RORB: variants seen among roughly 807,000 people sequenced by gnomAD.
RORB encodes nuclear receptor ROR-beta.
Under a neutral mutation model 59.1 loss-of-function variants are expected in RORB, and 6 were observed. The ratio of observed to expected loss-of-function variants is 0.10; its 90% CI spans 0.06 to 0.20. The LOEUF is 0.20. Ranked by LOEUF, RORB falls within the 10% of genes least tolerant of loss-of-function variation. The probability of loss-of-function intolerance (pLI) is 1.00; values close to 1 mark genes in which losing one functional copy is unlikely to be tolerated. For missense variants in RORB, 320 were observed against 560.5 expected, an observed-to-expected ratio of 0.57 and a Z score of 4.33; for synonymous variants, 215 against 204.5, an observed-to-expected ratio of 1.05 and a Z score of -0.44.
At chr9:74,620,676 G>T (rs1176919970) in intron 1 of RORB, among the ~76,000 whole-genome samples, 2 of 152,018 alleles carry the variant, frequency 1.3e-5, no homozygotes, top group East Asian at 1.9e-4. Flanking sequence ...TTCTCTTGTG[G>T]GCATTTAGTG....
chr9:74,544,290 G>A (rs1324424975), intron 1 of RORB, among the ~76,000 whole-genome samples: 2 of 152,130 alleles, frequency 1.3e-5, no homozygotes, highest in African/African-American at 4.8e-5. Context: ...GCAAAGTAAA[G>A]CAAGCCCTCT....
intron 1 of RORB, 200 bp downstream of exon 1, chr9:74,498,183 C>T (rs1825740752): frequency 3.1e-6 from 2 of 638,566 alleles, no homozygotes; most frequent in South Asian, 3.8e-5. Flanking sequence ...TTCGGGAGTT[C>T]TGGAGGGACG....
At chr9:74,586,885 C>T (rs1822809286) in intron 1 of RORB, among the ~76,000 whole-genome samples, 1 of 152,096 alleles carries the variant, frequency 6.6e-6, no homozygotes, top group Non-Finnish European at 1.5e-5. Flanking sequence ...TTCTCCTGTC[C>T]ATGTCAATGT....
intron 1 of RORB, among the ~76,000 whole-genome samples, chr9:74,522,804 A>G (rs1415743436): frequency 1.3e-5 from 2 of 151,836 alleles, no homozygotes; most frequent in Non-Finnish European, 2.9e-5. Context: ...ATAATCAACC[A>G]AAGAATGGAA....
At chr9:74,539,580 A>C (rs533478068) in intron 1 of RORB, among the ~76,000 whole-genome samples, 16 of 152,160 alleles carry the variant, frequency 1.1e-4, no homozygotes, top group Non-Finnish European at 2.1e-4. Context: ...AGAAGCCAGA[A>C]AACGTTCTTG....
intron 1 of RORB, among the ~76,000 whole-genome samples, chr9:74,534,284 A>G (rs1826289643): frequency 6.6e-6 from 1 of 151,994 alleles, no homozygotes; most frequent in East Asian, 1.9e-4. Context: ...GCACTAGTTA[A>G]CTATGATTGA....
chr9:74,579,322 A>G (rs1822684920), intron 1 of RORB, among the ~76,000 whole-genome samples: 1 of 152,134 alleles, frequency 6.6e-6, no homozygotes, highest in Non-Finnish European at 1.5e-5. Flanking sequence ...ACATTAATTA[A>G]TGATTTACAC....
rs1824690394 is a variant in RORB, at chr9:74,688,789, T to G, written c.*3171T>G. 1.3e-5 allele frequency: 2 copies of G among 152,210 alleles called. No individual in the cohort carries two copies. Among genetic ancestry groups the G allele is most frequent in the South Asian group, 4.1e-4 (2 of 4,828 alleles). The allele number at this position is 152,210 out of a possible 1,614,324, so 9.4% of individuals were successfully genotyped here. ...GCACCCAAGTAAGGACAACTTGGTC[T>G]CATTTTCTAAACTCTGCTAAGAGCC... is the stretch of plus-strand genomic sequence containing the variant. On this transcript the variant is annotated 3_prime_UTR_variant, in exon 10 of 10. Transcript: ENST00000376896.
intron 9 of RORB, among the ~76,000 whole-genome samples, chr9:74,672,412 T>C (rs1348110229): frequency 6.6e-6 from 1 of 152,184 alleles, no homozygotes; most frequent in Non-Finnish European, 1.5e-5. Context: ...ACTTCTCAGG[T>C]ATGTTATAAA....
At chr9:74,636,520 G>A (rs1372176265) in intron 3 of RORB, among the ~76,000 whole-genome samples, 1 of 152,114 alleles carries the variant, frequency 6.6e-6, no homozygotes. Context: ...AAATGTGTCG[G>A]GAGGATGGGA....
At chr9:74,665,631 G>C (rs780875578) in intron 7 of RORB, 36 bp downstream of exon 7, 4 of 1,287,586 alleles carry the variant, frequency 3.1e-6, no homozygotes, top group Non-Finnish European at 4.5e-6. Flanking sequence ...AATTTTATTA[G>C]CCACCATCAG....
chr9:74,512,354 C>T (rs1825950686), intron 1 of RORB, among the ~76,000 whole-genome samples: 1 of 152,116 alleles, frequency 6.6e-6, no homozygotes, highest in South Asian at 2.1e-4. Flanking sequence ...TTTAAATATT[C>T]CTACACTCTG....
intron 1 of RORB, among the ~76,000 whole-genome samples, chr9:74,508,946 C>T (rs183961210): frequency 1.6e-4 from 24 of 151,964 alleles, no homozygotes; most frequent in African/African-American, 5.8e-4. Flanking sequence ...TTTGCCACCC[C>T]TGTATTCGTA....
chr9:74,604,815 A>C (rs952592793), intron 1 of RORB, among the ~76,000 whole-genome samples: 2 of 152,222 alleles, frequency 1.3e-5, no homozygotes, highest in Non-Finnish European at 2.9e-5. Flanking sequence ...CTATATTTTA[A>C]TAATGCTTTT....
chr9:74,603,907 T>A (rs148330429), intron 1 of RORB, among the ~76,000 whole-genome samples: 24 of 152,286 alleles, frequency 1.6e-4, no homozygotes, highest in Non-Finnish European at 3.1e-4. Flanking sequence ...TGTGCTGTAA[T>A]AATATATTAA....
Position 74,673,560 on chromosome 9 carries a change from G to C in RORB, c.1224+1659G>C, listed in dbSNP as rs150803606. Among the ~76,000 whole-genome samples the C allele has an allele frequency of 3.8e-3, 580 of 152,218 alleles. 4 individuals are homozygous for C. Among genetic ancestry groups the C allele is most frequent in the African/African-American group, 0.013 (533 of 41,560 alleles). ...TCCCCTAGGAGGGTAAAATGTTTAT[G>C]CTTGCACCACTTTCTACCTCCCACT... On this transcript the variant is annotated intron_variant, in intron 9 of 9. Transcript: ENST00000376896.
At chr9:74,635,252 C>T (rs1046165541) in intron 3 of RORB, among the ~76,000 whole-genome samples, 3 of 152,126 alleles carry the variant, frequency 2.0e-5, no homozygotes, top group African/African-American at 7.2e-5. Context: ...CTGGTCATAG[C>T]TACCCAGAGG....
At chr9:74,579,638 G>A (rs1392498093) in intron 1 of RORB, among the ~76,000 whole-genome samples, 1 of 152,120 alleles carries the variant, frequency 6.6e-6, no homozygotes, top group Non-Finnish European at 1.5e-5. Flanking sequence ...CTGAACTTGA[G>A]AAACCCTTTC....
intron 1 of RORB, among the ~76,000 whole-genome samples, chr9:74,545,762 TG>T (rs1826476733): frequency 6.6e-6 from 1 of 152,044 alleles, no homozygotes; most frequent in South Asian, 2.1e-4. Context: ...AATATTAACC[TG>T]CTATATGGAA....
Sources: allele counts gnomAD v4.1 joint callset (sites outside exome capture counted in the v4.1 genomes callset), GRCh38; gene constraint gnomAD v4.1.1; transcripts MANE v1.5; gene names NCBI Gene and HGNC (gene_info 2026-07-23, HGNC 2026-07-21).